Variants in GPC5 observed in about 807,000 individuals in gnomAD.
The protein encoded by GPC5 is glypican-5.
In GPC5, 47 loss-of-function variants were observed where a neutral mutation model predicts 53.9. The ratio of observed to expected loss-of-function variants is 0.87; its 90% CI spans 0.69 to 1.11. GPC5 has a LOEUF of 1.11. Among genes scored for constraint, GPC5 ranks in the 50% most tolerant of loss-of-function variants. GPC5 has a pLI of 0.00. For synonymous variants in GPC5, 286 were observed against 263.3 expected, an observed-to-expected ratio of 1.09 and a Z score of -0.84; for missense variants, 748 against 713.1, an observed-to-expected ratio of 1.05 and a Z score of -0.56.
At chr13:91,847,983 G>A (rs755330848) in intron 5 of GPC5, among the ~76,000 whole-genome samples, 8 of 152,276 alleles carry the variant, frequency 5.3e-5, no homozygotes, top group East Asian at 1.9e-4. Context: ...TTTTAATAGC[G>A]AGGTATTGAT....
At chr13:92,112,572 C>T (rs1417086308) in intron 6 of GPC5, among the ~76,000 whole-genome samples, 2 of 152,038 alleles carry the variant, frequency 1.3e-5, no homozygotes, top group African/African-American at 2.4e-5. Context: ...GAAAGAAATT[C>T]AGTCAAGCTA....
intron 5 of GPC5, among the ~76,000 whole-genome samples, chr13:91,830,269 C>T (rs2038635017): frequency 6.6e-6 from 1 of 152,102 alleles, no homozygotes. Context: ...TGGCTCTGTT[C>T]TGCCCAGCTC....
At chr13:91,499,418 G>A (rs573228497) in intron 2 of GPC5, among the ~76,000 whole-genome samples, 1 of 152,284 alleles carries the variant, frequency 6.6e-6, no homozygotes, top group Non-Finnish European at 1.5e-5. Context: ...AGTTAGACAA[G>A]AGAAAGGGAA....
chr13:92,852,541 G>A (rs1244459531), intron 7 of GPC5, among the ~76,000 whole-genome samples: 1 of 152,170 alleles, frequency 6.6e-6, no homozygotes, highest in African/African-American at 2.4e-5. Context: ...AAGCAGAAGT[G>A]ACACATGTTC....
chr13:92,354,956 T>C (rs1368117794), intron 7 of GPC5, among the ~76,000 whole-genome samples: 1 of 151,990 alleles, frequency 6.6e-6, no homozygotes, highest in Non-Finnish European at 1.5e-5. Context: ...ATTAATAGAT[T>C]GAAGTAGGAT....
chr13:92,606,423 T>G (rs1884262977), intron 7 of GPC5, among the ~76,000 whole-genome samples: 1 of 152,208 alleles, frequency 6.6e-6, no homozygotes, highest in Non-Finnish European at 1.5e-5. Flanking sequence ...GAACTCATCC[T>G]TTTTTATGGC....
At chr13:92,385,532 A>G (rs972182909) in intron 7 of GPC5, among the ~76,000 whole-genome samples, 14 of 137,102 alleles carry the variant, frequency 1.0e-4, no homozygotes, top group African/African-American at 4.0e-4. Context: ...ATGCATATAT[A>G]CATATATGCA....
At chr13:91,553,071 A>C (rs1002855042) in intron 2 of GPC5, among the ~76,000 whole-genome samples, 2 of 152,090 alleles carry the variant, frequency 1.3e-5, no homozygotes, top group African/African-American at 4.8e-5. Flanking sequence ...CTTTGATTTG[A>C]TGAAATATGG....
At chr13:91,648,114 G>A (rs976040859) in intron 2 of GPC5, among the ~76,000 whole-genome samples, 3 of 152,144 alleles carry the variant, frequency 2.0e-5, no homozygotes, top group Non-Finnish European at 4.4e-5. Flanking sequence ...TTATATACTA[G>A]TGTTGTATGC....
At chr13:92,068,087 T>C (rs1224803703) in intron 6 of GPC5, among the ~76,000 whole-genome samples, 3 of 151,970 alleles carry the variant, frequency 2.0e-5, no homozygotes, top group Non-Finnish European at 4.4e-5. Context: ...CTGCTGTTTA[T>C]ATCTAAAATG....
chr13:91,588,377 T>G (rs1458655595), intron 2 of GPC5, among the ~76,000 whole-genome samples: 1 of 152,146 alleles, frequency 6.6e-6, no homozygotes, highest in Non-Finnish European at 1.5e-5. Flanking sequence ...GCTGTCACAC[T>G]GCCAAATATT....
intron 6 of GPC5, among the ~76,000 whole-genome samples, chr13:91,910,147 T>G (rs1012348357): frequency 4.6e-4 from 70 of 152,320 alleles, no homozygotes; most frequent in Non-Finnish European, 1.9e-4. Flanking sequence ...AACATTCACC[T>G]TTAATGCCTA....
At chr13:91,777,884 C>T (rs1198631465) in intron 5 of GPC5, among the ~76,000 whole-genome samples, 5 of 152,154 alleles carry the variant, frequency 3.3e-5, no homozygotes, top group African/African-American at 1.2e-4. Flanking sequence ...TGACATCTTG[C>T]AGTGGCATAT....
At chr13:91,608,579 T>C (rs2033447414) in intron 2 of GPC5, among the ~76,000 whole-genome samples, 1 of 152,162 alleles carries the variant, frequency 6.6e-6, no homozygotes, top group Non-Finnish European at 1.5e-5. Context: ...CAGCAGCAGA[T>C]AGGCATGTTA....
At chr13:91,603,257 G>T (rs1444355610) in intron 2 of GPC5, among the ~76,000 whole-genome samples, 1 of 152,214 alleles carries the variant, frequency 6.6e-6, no homozygotes, top group African/African-American at 2.4e-5. Flanking sequence ...ATTTTAAAGA[G>T]CTCTCTCCGT....
At chr13:92,403,501 G>T (rs1875651924) in intron 7 of GPC5, among the ~76,000 whole-genome samples, 1 of 152,182 alleles carries the variant, frequency 6.6e-6, no homozygotes, top group African/African-American at 2.4e-5. Context: ...CCTATTGTGA[G>T]CTGCGCATGT....
chr13:91,919,221 A>T (rs1260343616), intron 6 of GPC5, among the ~76,000 whole-genome samples: 1 of 152,150 alleles, frequency 6.6e-6, no homozygotes, highest in African/African-American at 2.4e-5. Flanking sequence ...CCACTGTGCT[A>T]TTTGAGACTA....
intron 5 of GPC5, among the ~76,000 whole-genome samples, chr13:91,759,274 G>T (rs905113429): frequency 6.6e-6 from 1 of 151,258 alleles, no homozygotes; most frequent in Non-Finnish European, 1.5e-5. Flanking sequence ...GTGTATATGG[G>T]GTACATGTGA....
chr13:92,384,807 A>G (rs2043778874), intron 7 of GPC5, among the ~76,000 whole-genome samples: 1 of 152,176 alleles, frequency 6.6e-6, no homozygotes, highest in African/African-American at 2.4e-5. Flanking sequence ...ATTGTCATCT[A>G]GATGGAATCA....
Sources: allele counts gnomAD v4.1 joint callset (sites outside exome capture counted in the v4.1 genomes callset), GRCh38; gene constraint gnomAD v4.1.1; transcripts MANE v1.5; gene names NCBI Gene and HGNC (gene_info 2026-07-23, HGNC 2026-07-21).